SACS: variants seen among roughly 807,000 people sequenced by gnomAD.
The protein encoded by SACS is sacsin molecular chaperone, also known as sacsin.
SACS carries 197 observed loss-of-function variants against 348.0 expected under a neutral mutation model. That is an observed-to-expected ratio of 0.57 (90% CI 0.50 to 0.64). The LOEUF (loss-of-function observed/expected upper bound fraction) is 0.64, where lower values mean the gene tolerates loss of function less well. Ranked by LOEUF, SACS falls within the 30% of genes least tolerant of loss-of-function variation. The probability of loss-of-function intolerance (pLI) is 0.00; values close to 1 mark genes in which losing one functional copy is unlikely to be tolerated. For synonymous variants in SACS, 1,985 were observed against 1,910.6 expected, an observed-to-expected ratio of 1.04 and a Z score of -1.02; for missense variants, 4,999 against 5,360.8, an observed-to-expected ratio of 0.93 and a Z score of 2.11.
Position 23,335,868 on chromosome 13 carries a change from A to T in SACS, c.8008T>A (p.Leu2670Met). The T allele has an allele frequency of 6.2e-7, 1 of 1,613,910 alleles. No individual in the cohort carries two copies. The highest frequency in any genetic ancestry group is 1.1e-5 in the South Asian group (1 of 91,076). ...AACTGTGTCCTAAAATCTGCATCCA[A>T]ATCTCTAAACATGCGTCCGGGACTA... is the stretch of plus-strand genomic sequence containing the variant. Reference protein sequence around the residue: ...SISPGRMFRDLDADFRTQFSD... With the variant: ...SISPGRMFRDMDADFRTQFSD... Residue 2670 changes from leucine (L) to methionine (M), a missense_variant, in exon 10 of 10, where the codon TTG becomes ATG. Physicochemically the swap from Leu to Met is conservative, Grantham distance 15 (BLOSUM62 2). Around this residue, in one of 6 missense-constraint regions of SACS, gnomAD observed 3,156 missense variants for 3,380.1 expected, o/e 0.93. Coordinates refer to ENST00000382292, the MANE Select transcript of SACS (RefSeq NM_014363.6). The surrounding 1 kb of genome is among the most constrained non-coding windows in gnomAD (Gnocchi z 4.7).
Position 23,332,058 on chromosome 13 carries a change from C to T in SACS, c.11818G>A (p.Val3940Met). Residue 3940 changes from valine (V) to methionine (M), a missense_variant, in exon 10 of 10, where the codon GTG (valine) becomes ATG (methionine). By Grantham distance (21) the Val-to-Met change is conservative. Transcript: ENST00000382292. ...YKSRIQGNIG[V>M]QMLVDLSQCY... ...TGGCTGAGATCAACTAACATTTGCA[C>T]ACCAATATTCCCCTGGATTCTACTT... 1 of 1,614,080 alleles carries T rather than the reference C, an allele frequency of 6.2e-7. No individual in the cohort carries two copies. The highest frequency in any genetic ancestry group is 8.5e-7 in the Non-Finnish European group (1 of 1,179,974).
chr13:23,353,232 CT>C (rs541931254), intron 9 of SACS, among the ~76,000 whole-genome samples: 11 of 152,070 alleles, frequency 7.2e-5, no homozygotes, highest in Non-Finnish European at 1.6e-4. Context: ...TTTCCTGCCC[CT>C]GTTACAGAGT....
chr13:23,341,146 T>A lies in SACS; in HGVS notation c.2730A>T (p.Leu910Phe). 6.2e-7 allele frequency: 1 copy of A among 1,613,286 alleles called. No individual in the cohort carries two copies. The highest frequency in any genetic ancestry group is 8.5e-7 in the Non-Finnish European group (1 of 1,179,954). ...KDALRKFLAS[L>F]TDSSEKEKRI... ...TTTTCTCTTTCTCACTGCTATCGGTTAAACTAGCCAAGAACTTCCTCAGGG... is the reference window on the plus strand; with the variant it reads ...TTTTCTCTTTCTCACTGCTATCGGTAAAACTAGCCAAGAACTTCCTCAGGG... The change falls in exon 10 of 10, where the codon TTA (leucine) becomes TTT (phenylalanine). Residue 910 changes from leucine to phenylalanine, a missense_variant. Around this residue, in one of 6 missense-constraint regions of SACS, gnomAD observed 3,156 missense variants for 3,380.1 expected, o/e 0.93. Coordinates refer to ENST00000382292, the MANE Select transcript of SACS (RefSeq NM_014363.6).
At chr13:23,353,117 T>C (rs986119409) in intron 9 of SACS, among the ~76,000 whole-genome samples, 1 of 152,100 alleles carries the variant, frequency 6.6e-6, no homozygotes, top group African/African-American at 2.4e-5. Context: ...AGTTGAAAGG[T>C]AGTATTAAAA....
chr13:23,373,525 C>T (rs190475149), intron 3 of SACS: 1 of 153,716 alleles, frequency 6.5e-6, no homozygotes, highest in Admixed American at 6.5e-5. Flanking sequence ...CGCCTATAAT[C>T]CCAACACTTT....
intron 1 of SACS, among the ~76,000 whole-genome samples, chr13:23,431,439 A>T (rs1874429438): frequency 2.6e-5 from 4 of 152,338 alleles, no homozygotes; most frequent in Middle Eastern, 6.8e-3. Flanking sequence ...TAAGGAAAGG[A>T]AAGACGGCAG....
In SACS at chr13:23,408,978, A is replaced by T. The variant is rs943229373; in HGVS notation, c.20+2242T>A. Among the ~76,000 whole-genome samples the T allele has an allele frequency of 2.7e-5, 4 of 149,228 alleles. No individual in the cohort carries two copies. The South Asian group carries it at 8.4e-4, about 32-fold the overall frequency. ...CTCCGTCTCAAAAAAAATAAAAAAG[A>T]ATTGTTTTTCCCCAGAATAATGAGA... On this transcript the variant is annotated intron_variant, in intron 2 of 9. Coordinates refer to ENST00000382292, the MANE Select transcript of SACS (RefSeq NM_014363.6).
At chr13:23,381,554 T>C (rs1000665849) in intron 2 of SACS, among the ~76,000 whole-genome samples, 6 of 152,210 alleles carry the variant, frequency 3.9e-5, no homozygotes, top group Non-Finnish European at 7.3e-5. Flanking sequence ...CACTTTCTAC[T>C]TCTTTTCAGT....
At chr13:23,414,453 T>C (rs1013021754) in intron 1 of SACS, among the ~76,000 whole-genome samples, 1 of 152,228 alleles carries the variant, frequency 6.6e-6, no homozygotes, top group African/African-American at 2.4e-5. Flanking sequence ...GCTCGGCCTC[T>C]GTAGGAACAT....
At chr13:23,418,731 C>G (rs148284559) in intron 1 of SACS, among the ~76,000 whole-genome samples, 299 of 152,316 alleles carry the variant, frequency 2.0e-3, no homozygotes, top group African/African-American at 6.9e-3. Context: ...TCTCAAACTC[C>G]TGACCTCAAG....
Position 23,331,263 on chromosome 13 carries a change from T to C in SACS, c.12613A>G (p.Ile4205Val), listed in dbSNP as rs756979757. ...GSYQPTYTYA[I>V]IVQEVEREDA... is the part of the protein sequence containing the mutation. Reference sequence around the variant, plus strand: ...TCTCTTTCAACTTCTTGTACAATAATTGCATATGTGTATGTTGGCTGGTAT... The same window carrying C: ...TCTCTTTCAACTTCTTGTACAATAACTGCATATGTGTATGTTGGCTGGTAT... The change falls in exon 10 of 10, where the codon ATT becomes GTT. Residue 4205 changes from isoleucine (I) to valine (V), a missense_variant. This residue lies in a region of SACS where 831 missense variants were observed against 941.8 expected (regional missense o/e 0.88). Transcript: ENST00000382292. 2.0e-5 allele frequency: 32 copies of C among 1,613,946 alleles called. No individual in the cohort carries two copies. The South Asian group carries it at 3.4e-4, about 17-fold the overall frequency.
chr13:23,329,649 A>G lies in SACS; in HGVS notation c.*487T>C. The stretch of plus-strand genomic sequence containing the variant: ...AACATAAAATTACAACAAATTCATG[A>G]TCAGAGCCAGCTGATGAGAAAATAA... On this transcript the variant is annotated 3_prime_UTR_variant, in exon 10 of 10. Transcript: ENST00000382292. 3.7e-6 allele frequency: 2 copies of G among 537,372 alleles called. No homozygotes were observed. The highest frequency in any genetic ancestry group is 6.1e-5 in the East Asian group (2 of 32,608). 33.3% of individuals were successfully genotyped at this position (537,372 alleles called of 1,614,324 possible).
rs763932184 is a variant in SACS at position 23,333,382 on chromosome 13, G to A, written c.10494C>T (p.Ile3498=). 2 of 1,602,828 alleles carry A rather than the reference G, an allele frequency of 1.2e-6. No homozygotes were observed. The highest frequency in any genetic ancestry group is 3.4e-5 in the Admixed American group (2 of 58,008). Residue 3498 remains isoleucine, a synonymous_variant, in exon 10 of 10, where the codon ATC becomes ATT. Coordinates refer to ENST00000382292, the MANE Select transcript of SACS (RefSeq NM_014363.6). ...LSYDAKLEHL[I]YLKNRLSSAE... ...CACTTGATAATCTATTCTTAAGGTA[G>A]ATCAAGTGCTCTAATTTTGCATCAT...
chr13:23,369,070 A>C (rs1240163132), intron 4 of SACS, among the ~76,000 whole-genome samples: 1 of 152,244 alleles, frequency 6.6e-6, no homozygotes, highest in Non-Finnish European at 1.5e-5. Context: ...TTAATTCAAA[A>C]ACAAGAAGCA....
At position 23,338,772 on chromosome 13, in the gene SACS, C is replaced by T. The variant is rs749677113; in HGVS notation, c.5104G>A (p.Glu1702Lys). The T allele has an allele frequency of 7.5e-6, 12 of 1,610,516 alleles. No homozygotes were observed. Among genetic ancestry groups the T allele is most frequent in the Admixed American group, 5.0e-5 (3 of 59,406 alleles). The change falls in exon 10 of 10, where the codon GAA becomes AAA. Residue 1702 changes from glutamate (E) to lysine (K), a missense_variant. Glu to Lys is a moderately conservative substitution (Grantham distance 56, BLOSUM62 1). Transcript: ENST00000382292. ...SMYLKYLKIE[E>K]TNPSLAQDTV... ...TCTTGTGCTAAACTGGGGTTGGTTT[C>T]CTCAATTTTCAAGTACTTCAAATAC...
chr13:23,352,482 T>C (rs990175576), intron 9 of SACS, among the ~76,000 whole-genome samples: 1 of 152,246 alleles, frequency 6.6e-6, no homozygotes, highest in Non-Finnish European at 1.5e-5. Context: ...GCTGGTAATC[T>C]TCTGTGTAAT....
At chr13:23,360,244 A>C (rs1283337665) in intron 6 of SACS, among the ~76,000 whole-genome samples, 1 of 152,168 alleles carries the variant, frequency 6.6e-6, no homozygotes, top group East Asian at 1.9e-4. Flanking sequence ...TGATACTGTC[A>C]GTCTTTATGT....
At chr13:23,346,986 C>T (rs1346754054) in intron 9 of SACS, 1 of 165,676 alleles carries the variant, frequency 6.0e-6, no homozygotes, top group Non-Finnish European at 1.2e-5. Flanking sequence ...AACAAAACTC[C>T]AAACATAGCA....
intron 2 of SACS, among the ~76,000 whole-genome samples, chr13:23,392,253 G>A (rs932288260): frequency 1.3e-5 from 2 of 152,170 alleles, no homozygotes; most frequent in African/African-American, 4.8e-5. Flanking sequence ...AAGACACTTG[G>A]TATGCCTCTC....
Sources: gnomAD v4.1 joint callset for allele counts (sites outside exome capture counted in the v4.1 genomes callset) on GRCh38, gnomAD v4.1.1 for gene constraint, gnomAD v4.1.1 regional missense constraint, Gnocchi (gnomAD v3.1) non-coding constraint, MANE v1.5 for transcripts, NCBI Gene and HGNC (gene_info 2026-07-23, HGNC 2026-07-21) for gene names.